USH2A: variants seen among roughly 807,000 people sequenced by gnomAD.
The protein encoded by USH2A is usherin.
USH2A carries 443 observed loss-of-function variants against 538.9 expected under a neutral mutation model. The ratio of observed to expected loss-of-function variants is 0.82; its 90% CI spans 0.76 to 0.89. The LOEUF (loss-of-function observed/expected upper bound fraction) is 0.89, where lower values mean the gene tolerates loss of function less well. Among genes scored for constraint, USH2A ranks in the 40% least tolerant of loss-of-function variants. The pLI, the probability that USH2A is intolerant of heterozygous loss-of-function variation, is 0.00. For missense variants in USH2A, 6,633 were observed against 6,324.8 expected (o/e 1.05, Z -1.65); for synonymous variants, 2,413 against 2,273.5 (o/e 1.06, Z -1.75).
At chr1:216,125,052 A>C (rs376734993) in intron 21 of USH2A, among the ~76,000 whole-genome samples, 1 of 152,190 alleles carries the variant, frequency 6.6e-6, no homozygotes, top group Non-Finnish European at 1.5e-5. Flanking sequence ...GCTTTAATCT[A>C]TCAGTGATTC....
chr1:216,028,358 G>A (rs2102508357), intron 32 of USH2A, among the ~76,000 whole-genome samples: 1 of 151,824 alleles, frequency 6.6e-6, no homozygotes, highest in South Asian at 2.1e-4. Flanking sequence ...CTACACACCA[G>A]CCTGGGCGAC....
intron 49 of USH2A, among the ~76,000 whole-genome samples, chr1:215,808,695 G>A (rs1390321341): frequency 6.6e-6 from 1 of 152,038 alleles, no homozygotes; most frequent in African/African-American, 2.4e-5. Context: ...AGCTTTTTGA[G>A]ACTGGCTTCT....
intron 21 of USH2A, among the ~76,000 whole-genome samples, chr1:216,102,672 C>T (rs916271082): frequency 6.6e-6 from 1 of 151,890 alleles, no homozygotes; most frequent in African/African-American, 2.4e-5. Context: ...TCGTGGCGGG[C>T]GCCTGTAGTC....
chr1:215,892,906 T>A (rs1291607026), intron 40 of USH2A, among the ~76,000 whole-genome samples: 1 of 152,160 alleles, frequency 6.6e-6, no homozygotes, highest in African/African-American at 2.4e-5. Context: ...TCGGGAACTA[T>A]TTTTCTCTAT....
chr1:216,172,405 T>C (rs552298356), intron 21 of USH2A, among the ~76,000 whole-genome samples: 2 of 152,096 alleles, frequency 1.3e-5, no homozygotes, highest in Non-Finnish European at 2.9e-5. Context: ...TCAGAAGTCA[T>C]TTTAGTTGAA....
intron 64 of USH2A, among the ~76,000 whole-genome samples, chr1:215,666,104 C>G (rs754927578): frequency 1.3e-5 from 2 of 152,150 alleles, no homozygotes; most frequent in Admixed American, 6.5e-5. Context: ...TAAAGCTAAT[C>G]CTCCAGAGTG....
chr1:216,321,448 C>A (rs2037608481), intron 9 of USH2A, among the ~76,000 whole-genome samples: 1 of 152,116 alleles, frequency 6.6e-6, no homozygotes, highest in Non-Finnish European at 1.5e-5. Context: ...AATAAATGAA[C>A]CTTGATTGAC....
At chr1:216,094,489 A>G (rs181363462) in intron 22 of USH2A, among the ~76,000 whole-genome samples, 58 of 152,002 alleles carry the variant, frequency 3.8e-4, no homozygotes, top group Admixed American at 5.9e-4. Context: ...TGCCTTTGCT[A>G]TACTTCTCTT....
chr1:216,148,660 C>T lies in USH2A; in HGVS notation c.4627+26592G>A, dbSNP rs2033764386. ...CCATTTTACCTGTCCTAAAACCAGA[C>T]AAGCCTTACAAGTTAGTTCAGGATC... On this transcript the variant is annotated intron_variant, in intron 21 of 71. Transcript: ENST00000307340. Among the ~76,000 whole-genome samples, 21 of 152,176 alleles carry T rather than the reference C, an allele frequency of 1.4e-4. 1 individual carries two copies. The South Asian group carries it at 4.4e-3, about 32-fold the overall frequency.
Position 215,680,085 on chromosome 1 carries a change from G to A in USH2A, c.12294+64C>T, listed in dbSNP as rs1403213677. 4 of 1,530,040 alleles carry A rather than the reference G, an allele frequency of 2.6e-6. No homozygotes were observed. In the Admixed American group the frequency reaches 6.7e-5, roughly 26 times the overall value. The allele number at this position is 1,530,040 out of a possible 1,614,324, so 94.8% of individuals were successfully genotyped here. On this transcript the variant is annotated intron_variant, in intron 62 of 71. Transcript: ENST00000307340. ...TTTTCCCACAGTGACCTGATGGCATGTCAGGGCTCATCTATTTATCTGGAG... is the reference window on the plus strand; with the variant it reads ...TTTTCCCACAGTGACCTGATGGCATATCAGGGCTCATCTATTTATCTGGAG...
intron 43 of USH2A, among the ~76,000 whole-genome samples, chr1:215,869,125 C>T (rs969183108): frequency 6.6e-6 from 1 of 152,098 alleles, no homozygotes; most frequent in African/African-American, 2.4e-5. Context: ...TCATTCCTCA[C>T]AAAACTCTAT....
rs71161423 is a variant in USH2A, at chr1:216,415,508, C to CTT, written c.651+3004_651+3005dup. ...TCCTAATCTCCTGTCCTTCCTGTCA[C>CTT]TTTTTTTTTTTTTTTTTTTTTTTTT... On this transcript the variant is annotated intron_variant, in intron 3 of 71. Transcript: ENST00000307340. Among the ~76,000 whole-genome samples, 147 of 96,866 alleles carry CTT rather than the reference C, an allele frequency of 1.5e-3. 4 individuals carry two copies. Among genetic ancestry groups the CTT allele is most frequent in the African/African-American group, 4.8e-3 (123 of 25,824 alleles). 63.5% of individuals were successfully genotyped at this position (96,866 alleles called of 152,430 possible). A position where few individuals can be genotyped will look rare whatever the true frequency, so the allele number is the denominator to read the frequency against.
intron 37 of USH2A, among the ~76,000 whole-genome samples, chr1:215,947,929 G>T (rs555443661): frequency 1.8e-4 from 27 of 152,128 alleles, no homozygotes; most frequent in Admixed American, 1.4e-3. Context: ...TAGGAAACAG[G>T]TACAAATCAG....
At chr1:215,766,583 T>C in intron 56 of USH2A, 98 bp downstream of exon 56, 1 of 1,138,574 alleles carries the variant, frequency 8.8e-7, no homozygotes, top group Non-Finnish European at 1.3e-6. Context: ...ATCAACTTTA[T>C]TGCCTCTTCC....
chr1:216,145,631 C>G (rs1258986380), intron 21 of USH2A, among the ~76,000 whole-genome samples: 1 of 152,182 alleles, frequency 6.6e-6, no homozygotes, highest in Non-Finnish European at 1.5e-5. Context: ...GCCAAGCCAT[C>G]GCATCCCCTG....
chr1:216,220,733 C>T (rs2035440244), intron 14 of USH2A, among the ~76,000 whole-genome samples: 1 of 151,774 alleles, frequency 6.6e-6, no homozygotes, highest in African/African-American at 2.4e-5. Flanking sequence ...TACCTTGGGG[C>T]AGTGGCAAGG....
intron 11 of USH2A, among the ~76,000 whole-genome samples, chr1:216,261,525 G>A (rs916142895): frequency 2.0e-5 from 3 of 148,642 alleles, no homozygotes; most frequent in African/African-American, 7.4e-5. Flanking sequence ...ACATCAGAAA[G>A]GCTAACAATA....
At chr1:216,405,066 G>A (rs2039371442) in intron 3 of USH2A, among the ~76,000 whole-genome samples, 2 of 152,174 alleles carry the variant, frequency 1.3e-5, no homozygotes, top group African/African-American at 4.8e-5. Context: ...AAGGTGCCCA[G>A]GCTGGTCTCG....
At chr1:215,959,081 T>A (rs1212654577) in intron 37 of USH2A, among the ~76,000 whole-genome samples, 2 of 152,124 alleles carry the variant, frequency 1.3e-5, no homozygotes, top group African/African-American at 4.8e-5. Flanking sequence ...TACTCCAAAT[T>A]ACTCTGCTCT....
Sources: allele counts gnomAD v4.1 joint callset (sites outside exome capture counted in the v4.1 genomes callset), GRCh38; gene constraint gnomAD v4.1.1; transcripts MANE v1.5; gene names NCBI Gene and HGNC (gene_info 2026-07-23, HGNC 2026-07-21).